PBLD: variants seen among roughly 807,000 people sequenced by gnomAD.
The protein encoded by PBLD is phenazine biosynthesis like protein domain containing.
In PBLD, 26 loss-of-function variants were observed where a neutral mutation model predicts 31.3. The ratio of observed to expected loss-of-function variants is 0.83; its 90% confidence interval spans 0.61 to 1.15. The LOEUF (loss-of-function observed/expected upper bound fraction) is 1.15. Among genes scored for constraint, PBLD ranks in the 50% most tolerant of loss-of-function variants. The pLI is 0.00. For missense variants in PBLD, 307 were observed against 351.7 expected (o/e 0.87, Z 1.02); for synonymous variants, 114 against 129.0 (o/e 0.88, Z 0.79).
chr10:68,314,148 T>C (rs896923516), intron 1 of PBLD, among the ~76,000 whole-genome samples: 1 of 152,044 alleles, frequency 6.6e-6, no homozygotes, highest in African/African-American at 2.4e-5. Flanking sequence ...AGCTAATTTT[T>C]GTATTTTTAG....
At chr10:68,311,947 G>C (rs1331516062) in intron 1 of PBLD, among the ~76,000 whole-genome samples, 4 of 152,210 alleles carry the variant, frequency 2.6e-5, no homozygotes, top group Non-Finnish European at 5.9e-5. Context: ...CCACACATCA[G>C]TAGCCTGGGA....
At chr10:68,319,049 G>GAA (rs1564737347) in intron 1 of PBLD, among the ~76,000 whole-genome samples, 15 of 77,772 alleles carry the variant, frequency 1.9e-4, no homozygotes, top group East Asian at 5.0e-4. Context: ...AAGAAAGAAA[G>GAA]AGAGAGAAAG....
chr10:68,305,512 G>T (rs1238599188), intron 2 of PBLD, among the ~76,000 whole-genome samples: 1 of 152,042 alleles, frequency 6.6e-6, no homozygotes, highest in Non-Finnish European at 1.5e-5. Context: ...CCAGCATTTT[G>T]AGAGGCCAAG....
intron 2 of PBLD, among the ~76,000 whole-genome samples, chr10:68,306,528 C>A (rs1300048654): frequency 1.3e-5 from 2 of 152,312 alleles, no homozygotes; most frequent in South Asian, 4.1e-4. Context: ...TTAAAATTGG[C>A]TCTAGTTCCT....
intron 4 of PBLD, among the ~76,000 whole-genome samples, chr10:68,292,581 C>T (rs2044374662): frequency 1.3e-5 from 2 of 151,572 alleles, no homozygotes; most frequent in Non-Finnish European, 2.9e-5. Context: ...ACGATCTCAG[C>T]TCACTGTACC....
intron 4 of PBLD, among the ~76,000 whole-genome samples, chr10:68,295,689 C>G (rs902077698): frequency 1.3e-5 from 2 of 151,186 alleles, no homozygotes; most frequent in South Asian, 4.2e-4. Flanking sequence ...TGGTGCCTCA[C>G]GCCTATAATC....
chr10:68,300,440 C>T (rs1023374928), intron 2 of PBLD, among the ~76,000 whole-genome samples: 28 of 152,202 alleles, frequency 1.8e-4, no homozygotes, highest in African/African-American at 5.5e-4. Context: ...GTTTCTAAGA[C>T]GGAACAGCAA....
In PBLD at chr10:68,306,922, C is replaced by A. The variant is rs748928962; in HGVS notation, c.-59-19G>T. On this transcript the variant is annotated intron_variant, in intron 1 of 9. Coordinates refer to ENST00000358769, the MANE Select transcript of PBLD (RefSeq NM_022129.4). ...ACGTCTTCTTCTTGGAAAAGGAAAT[C>A]AAAAAGTTAATGTTTTACTTGGTGT... The A allele has an allele frequency of 1.7e-6, 2 of 1,168,494 alleles. No homozygotes were observed. The highest frequency in any genetic ancestry group is 1.3e-6 in the Non-Finnish European group (1 of 797,556). 72.4% of individuals were successfully genotyped at this position (1,168,494 alleles called of 1,614,324 possible).
chr10:68,291,948 C>T, intron 6 of PBLD, 62 bp downstream of exon 6: 3 of 1,476,666 alleles, frequency 2.0e-6, no homozygotes, highest in East Asian at 2.3e-5. Flanking sequence ...TCAAATGATA[C>T]CAAATCTTTG....
intron 7 of PBLD, 103 bp downstream of exon 7, chr10:68,288,828 G>T (rs1005185310): frequency 7.6e-7 from 1 of 1,313,882 alleles, no homozygotes; most frequent in Non-Finnish European, 1.1e-6. Context: ...CTCTGGCTGC[G>T]TAAATCATGG....
chr10:68,321,001 T>A (rs1036746023), intron 1 of PBLD, among the ~76,000 whole-genome samples: 6 of 152,000 alleles, frequency 3.9e-5, no homozygotes, highest in African/African-American at 1.5e-4. Context: ...TTTGTACTTT[T>A]AGCAGAGATG....
chr10:68,300,929 G>T (rs887521922), intron 2 of PBLD, among the ~76,000 whole-genome samples: 2 of 151,956 alleles, frequency 1.3e-5, no homozygotes, highest in East Asian at 3.9e-4. Flanking sequence ...ACGGAATCTC[G>T]CTCTGTCACC....
intron 9 of PBLD, chr10:68,285,136 G>A (rs983347514): frequency 2.3e-5 from 32 of 1,403,508 alleles, no homozygotes; most frequent in Admixed American, 3.1e-5. Context: ...TACTGTATCT[G>A]TGTCTGTACA....
chr10:68,303,333 G>T, intron 2 of PBLD, among the ~76,000 whole-genome samples: 1 of 151,934 alleles, frequency 6.6e-6, no homozygotes. Flanking sequence ...TGATCTGCCT[G>T]CCTCGGCCTC....
chr10:68,306,156 A>ACCATT (rs1554858914), intron 2 of PBLD, among the ~76,000 whole-genome samples: 1 of 151,628 alleles, frequency 6.6e-6, no homozygotes, highest in Non-Finnish European at 1.5e-5. Flanking sequence ...TATCTATTTA[A>ACCATT]CTATTAATAT....
chr10:68,307,652 A>T (rs2044600627), intron 1 of PBLD, among the ~76,000 whole-genome samples: 3 of 152,032 alleles, frequency 2.0e-5, no homozygotes, highest in Non-Finnish European at 2.9e-5. Context: ...GGCGCCCGCC[A>T]CTGCGCCCGG....
chr10:68,318,297 T>G (rs1174804498), intron 1 of PBLD, among the ~76,000 whole-genome samples: 1 of 145,630 alleles, frequency 6.9e-6, no homozygotes, highest in Non-Finnish European at 1.5e-5. Context: ...CCCAGCCCTT[T>G]GGGAGGAAGG....
intron 1 of PBLD, among the ~76,000 whole-genome samples, chr10:68,330,275 A>G (rs1432173891): frequency 6.6e-6 from 1 of 152,120 alleles, no homozygotes; most frequent in Non-Finnish European, 1.5e-5. Context: ...TGAAGTTTCC[A>G]TTAAATGAAG....
intron 1 of PBLD, among the ~76,000 whole-genome samples, chr10:68,318,649 T>C (rs1246424413): frequency 6.6e-6 from 1 of 152,128 alleles, no homozygotes; most frequent in African/African-American, 2.4e-5. Flanking sequence ...AATGGAGCTA[T>C]ATAAGTGCAG....
Sources: allele counts gnomAD v4.1 joint callset (sites outside exome capture counted in the v4.1 genomes callset), GRCh38; gene constraint gnomAD v4.1.1; transcripts MANE v1.5; gene names NCBI Gene and HGNC (gene_info 2026-07-23, HGNC 2026-07-21).